Variants in LRRC4C observed in about 807,000 individuals in gnomAD.
LRRC4C encodes leucine rich repeat containing 4C, also known as leucine-rich repeat-containing protein 4C.
A neutral mutation model predicts 33.6 loss-of-function variants in LRRC4C; 5 were observed. That is an observed-to-expected ratio of 0.15 (90% confidence interval 0.08 to 0.31). The LOEUF is 0.31. LRRC4C is among the 10% of genes least tolerant of loss of function. The pLI, the probability that LRRC4C is intolerant of heterozygous loss-of-function variation, is 1.00. For synonymous variants in LRRC4C, 329 were observed against 302.0 expected (o/e 1.09, Z -0.93); for missense variants, 560 against 796.7 (o/e 0.70, Z 3.58).
chr11:41,110,786 A>T (rs1305527933), intron 1 of LRRC4C, among the ~76,000 whole-genome samples: 2 of 152,090 alleles, frequency 1.3e-5, no homozygotes, highest in Non-Finnish European at 2.9e-5. Flanking sequence ...ACAAAGTCAC[A>T]ACTGGGTGTT....
At chr11:40,441,228 A>T (rs548580840) in intron 3 of LRRC4C, among the ~76,000 whole-genome samples, 1 of 152,300 alleles carries the variant, frequency 6.6e-6, no homozygotes, top group African/African-American at 2.4e-5. Flanking sequence ...CTGTTGGGTC[A>T]CTGAAGGACA....
chr11:40,611,665 A>C (rs1197197168), intron 3 of LRRC4C, among the ~76,000 whole-genome samples: 1 of 151,886 alleles, frequency 6.6e-6, no homozygotes, highest in Non-Finnish European at 1.5e-5. Flanking sequence ...ACAATTCAAT[A>C]GCAAGAAAAT....
intron 2 of LRRC4C, among the ~76,000 whole-genome samples, chr11:40,825,945 G>T (rs374905075): frequency 0.016 from 795 of 50,914 alleles, 14 homozygotes; most frequent in Middle Eastern, 0.039. Context: ...TATTCTGGGG[G>T]GGGGGCGTCT....
chr11:40,558,636 C>T (rs927476333), intron 3 of LRRC4C, among the ~76,000 whole-genome samples: 4 of 152,162 alleles, frequency 2.6e-5, no homozygotes, highest in African/African-American at 9.7e-5. Flanking sequence ...ATATTCTAGT[C>T]TTGACCAATT....
chr11:40,761,316 T>G (rs190153495), intron 2 of LRRC4C, among the ~76,000 whole-genome samples: 1 of 152,210 alleles, frequency 6.6e-6, no homozygotes, highest in Non-Finnish European at 1.5e-5. Context: ...TTTGCAGGGT[T>G]AAATAGGAAA....
At chr11:40,814,509 C>T (rs1951627444) in intron 2 of LRRC4C, among the ~76,000 whole-genome samples, 1 of 152,062 alleles carries the variant, frequency 6.6e-6, no homozygotes, top group Non-Finnish European at 1.5e-5. Context: ...CTCTGACATG[C>T]CCTGGAGACA....
At chr11:41,221,071 A>G (rs1947284640) in intron 1 of LRRC4C, among the ~76,000 whole-genome samples, 1 of 152,076 alleles carries the variant, frequency 6.6e-6, no homozygotes, top group Non-Finnish European at 1.5e-5. Context: ...TTGTGGTACA[A>G]ATTATTTTGT....
At chr11:40,611,007 G>T (rs1961160609) in intron 3 of LRRC4C, among the ~76,000 whole-genome samples, 1 of 151,724 alleles carries the variant, frequency 6.6e-6, no homozygotes, top group South Asian at 2.1e-4. Flanking sequence ...TGTTTCTGCA[G>T]AAATGGAAAA....
intron 2 of LRRC4C, among the ~76,000 whole-genome samples, chr11:40,885,223 A>G (rs1394712389): frequency 6.6e-6 from 1 of 152,100 alleles, no homozygotes; most frequent in Non-Finnish European, 1.5e-5. Flanking sequence ...GAATAAATTA[A>G]TTGTTAAATT....
chr11:41,247,607 T>A (rs116960203), intron 1 of LRRC4C, among the ~76,000 whole-genome samples: 2,077 of 152,258 alleles, frequency 0.014, 21 homozygotes, highest in Non-Finnish European at 0.023. Context: ...GGTACTAAAG[T>A]TTGAAAAAGC....
chr11:41,443,696 A>ACATCCGCCTACC (rs1955728694), intron 1 of LRRC4C, among the ~76,000 whole-genome samples: 2 of 151,036 alleles, frequency 1.3e-5, no homozygotes, highest in Admixed American at 1.3e-4. Context: ...GCTCACTGCA[A>ACATCCGCCTACC]CATCCGCCTA....
At chr11:41,164,185 T>A (rs1477716790) in intron 1 of LRRC4C, among the ~76,000 whole-genome samples, 3 of 24,336 alleles carry the variant, frequency 1.2e-4, no homozygotes, top group Admixed American at 9.1e-4. Context: ...TTCTTTTACC[T>A]TTTTTATTTT....
chr11:41,296,089 A>G (rs1459374175), intron 1 of LRRC4C, among the ~76,000 whole-genome samples: 1 of 152,186 alleles, frequency 6.6e-6, no homozygotes, highest in Non-Finnish European at 1.5e-5. Context: ...GGGAGAATGA[A>G]GTGTGGATCA....
chr11:41,071,280 A>AAT (rs1381249724), intron 1 of LRRC4C, among the ~76,000 whole-genome samples: 4 of 152,038 alleles, frequency 2.6e-5, no homozygotes, highest in African/African-American at 9.7e-5. Context: ...GGAAAGCATT[A>AAT]GGAAAAATAC....
At chr11:41,417,943 T>TAC (rs1954744849) in intron 1 of LRRC4C, among the ~76,000 whole-genome samples, 1 of 137,982 alleles carries the variant, frequency 7.2e-6, no homozygotes. Context: ...CATATATATA[T>TAC]ACGTATATAT....
Position 40,770,395 on chromosome 11 carries a change from T to C in LRRC4C, c.-406-122117A>G, listed in dbSNP as rs148211707. 7.9e-3 allele frequency among the ~76,000 whole-genome samples: 1,208 copies of C among 152,198 alleles called. 5 individuals are homozygous for C. Among genetic ancestry groups the C allele is most frequent in the Non-Finnish European group, 0.012 (836 of 68,000 alleles). On this transcript the variant is annotated intron_variant, in intron 2 of 6. Coordinates refer to ENST00000528697, the MANE Select transcript of LRRC4C (RefSeq NM_001258419.2). Reference sequence around the variant, plus strand: ...TATGATAGAATCACCACCCACAAGGTCTCTTCCCCAACACATGGGGATTGC... The same window carrying C: ...TATGATAGAATCACCACCCACAAGGCCTCTTCCCCAACACATGGGGATTGC...
chr11:41,234,774 C>T (rs12283062), intron 1 of LRRC4C, among the ~76,000 whole-genome samples: 10,472 of 151,968 alleles, frequency 0.069, 736 homozygotes, highest in African/African-American at 0.18. Flanking sequence ...CTATGGGTAG[C>T]TGCATTTTCT....
intron 1 of LRRC4C, among the ~76,000 whole-genome samples, chr11:40,955,945 T>A (rs553255107): frequency 6.6e-6 from 1 of 151,890 alleles, no homozygotes; most frequent in Non-Finnish European, 1.5e-5. Context: ...GTTGTTCTCA[T>A]TCACATTCTC....
intron 2 of LRRC4C, among the ~76,000 whole-genome samples, chr11:40,776,754 C>G (rs1479993804): frequency 1.3e-5 from 2 of 151,820 alleles, no homozygotes; most frequent in East Asian, 3.9e-4. Context: ...TTAGTTATTT[C>G]TTTTCTTTTC....
Sources: allele counts gnomAD v4.1 joint callset (sites outside exome capture counted in the v4.1 genomes callset), GRCh38; gene constraint gnomAD v4.1.1; transcripts MANE v1.5; gene names NCBI Gene and HGNC (gene_info 2026-07-23, HGNC 2026-07-21).